Variants in KLHL1 observed in about 807,000 individuals in gnomAD.
KLHL1 encodes the protein kelch like family member 1.
Under a neutral mutation model 77.7 loss-of-function variants are expected in KLHL1, and 47 were observed. The ratio of observed to expected loss-of-function variants is 0.60; its 90% confidence interval spans 0.48 to 0.77. The LOEUF (loss-of-function observed/expected upper bound fraction) is 0.77. Among genes scored for constraint, KLHL1 ranks in the 30% least tolerant of loss-of-function variants. The pLI is 0.00. For synonymous variants in KLHL1, 360 were observed against 325.2 expected (o/e 1.11, Z -1.15); for missense variants, 925 against 910.8 (o/e 1.02, Z -0.20).
Position 69,839,107 on chromosome 13 carries a change from T to C in KLHL1, c.1283A>G (p.Lys428Arg). 6.2e-7 allele frequency: 1 copy of C among 1,608,872 alleles called. No homozygotes were observed. The highest frequency in any genetic ancestry group is 1.1e-5 in the South Asian group (1 of 90,266). The change falls in exon 6 of 11, where the codon AAG (lysine) becomes AGG (arginine). Residue 428 changes from lysine (K) to arginine (R), a missense_variant. Physicochemically the swap from Lys to Arg is conservative, Grantham distance 26. Coordinates refer to ENST00000377844, the MANE Select transcript of KLHL1 (RefSeq NM_020866.3). ...GTATTTCATTGCTTCTAGAATCAGC[T>C]TTTGACATTCCAGATCATTCTTAAA... ...ALFKNDLECQ[K>R]LILEAMKYHL...
chr13:69,932,547 A>C (rs1347195586), intron 4 of KLHL1, among the ~76,000 whole-genome samples: 1 of 151,922 alleles, frequency 6.6e-6, no homozygotes, highest in East Asian at 1.9e-4. Context: ...TGTTTACAGG[A>C]TATTTTAAAA....
intron 1 of KLHL1, among the ~76,000 whole-genome samples, chr13:70,081,844 T>A (rs1052497430): frequency 4.6e-5 from 7 of 152,020 alleles, no homozygotes; most frequent in African/African-American, 1.7e-4. Context: ...AACTTACGGG[T>A]TTGTGGTAAT....
chr13:69,747,832 A>G (rs1274120744), intron 7 of KLHL1, among the ~76,000 whole-genome samples: 2 of 151,970 alleles, frequency 1.3e-5, no homozygotes, highest in Non-Finnish European at 2.9e-5. Flanking sequence ...AAATTTAACT[A>G]TTCTTAGTGA....
At chr13:69,747,623 C>T (rs563197140) in intron 7 of KLHL1, among the ~76,000 whole-genome samples, 3 of 151,830 alleles carry the variant, frequency 2.0e-5, no homozygotes, top group African/African-American at 7.2e-5. Context: ...ATATAAAGGT[C>T]CTATAAGCAT....
In KLHL1 at chr13:70,107,328, T is replaced by G. The variant is rs75569924; in HGVS notation, c.372A>C (p.Ser124=). The change falls in exon 1 of 11, where the codon TCA becomes TCC. Residue 124 remains serine (S), a synonymous_variant. Coordinates refer to ENST00000377844, the MANE Select transcript of KLHL1 (RefSeq NM_020866.3). ...QPARTLFYVE[S]LEEEVVPGMD... is the part of the protein sequence containing the mutation. The stretch of plus-strand genomic sequence containing the variant: ...TGCCTGGCACCACCTCCTCCTCTAG[T>G]GACTCCACGTAGAAGAGAGTCCTGG... 708 of 1,614,158 alleles carry G rather than the reference T, an allele frequency of 4.4e-4. 2 individuals carry two copies. The African/African-American group carries it at 8.0e-3, about 18-fold the overall frequency.
intron 6 of KLHL1, among the ~76,000 whole-genome samples, chr13:69,800,413 A>G (rs1877326006): frequency 6.6e-6 from 1 of 152,112 alleles, no homozygotes. Flanking sequence ...ACCAAGGCCT[A>G]TTTATACTCC....
intron 8 of KLHL1, among the ~76,000 whole-genome samples, chr13:69,723,736 G>C (rs1873168208): frequency 2.0e-5 from 3 of 151,918 alleles, no homozygotes; most frequent in African/African-American, 7.3e-5. Context: ...CTGCTACTTG[G>C]AGATTTCATC....
At chr13:69,966,810 A>C (rs1036011203) in intron 2 of KLHL1, among the ~76,000 whole-genome samples, 8 of 151,942 alleles carry the variant, frequency 5.3e-5, no homozygotes, top group African/African-American at 1.9e-4. Context: ...TCAACTCTCT[A>C]TGTCCATATA....
chr13:69,937,338 C>T (rs540110654), intron 4 of KLHL1, among the ~76,000 whole-genome samples: 12 of 152,264 alleles, frequency 7.9e-5, no homozygotes, highest in East Asian at 3.9e-4. Context: ...AAACACAAGT[C>T]CATTCTATCA....
In KLHL1 at chr13:70,107,284, T is replaced by C. The variant is rs774870844; in HGVS notation, c.416A>G (p.His139Arg). 6.8e-6 allele frequency: 11 copies of C among 1,614,042 alleles called. No homozygotes were observed. Among genetic ancestry groups the C allele is most frequent in the Non-Finnish European group, 8.5e-6 (10 of 1,180,020 alleles). The change falls in exon 1 of 11, where the codon CAC becomes CGC. Residue 139 changes from histidine to arginine, a missense_variant. His to Arg is a conservative substitution (Grantham distance 29). Coordinates refer to ENST00000377844, the MANE Select transcript of KLHL1 (RefSeq NM_020866.3). ...CTCTTGCAGAACCAGCCCTTTTTCGTGTGGTCCAGGAAAGTCCATGCCTGG... is the reference window on the plus strand; with the variant it reads ...CTCTTGCAGAACCAGCCCTTTTTCGCGTGGTCCAGGAAAGTCCATGCCTGG... ...VVPGMDFPGP[H>R]EKGLVLQELK...
intron 9 of KLHL1, among the ~76,000 whole-genome samples, chr13:69,714,856 G>A (rs1161283665): frequency 1.3e-5 from 2 of 152,000 alleles, no homozygotes; most frequent in Non-Finnish European, 2.9e-5. Flanking sequence ...AGCCTCCAAA[G>A]GTGCCAGTAT....
chr13:70,010,117 C>A, intron 1 of KLHL1, among the ~76,000 whole-genome samples: 1 of 151,946 alleles, frequency 6.6e-6, no homozygotes, highest in East Asian at 1.9e-4. Flanking sequence ...AAAGAGAGTG[C>A]AATAGAAGAT....
chr13:69,994,623 G>A (rs866058338), intron 1 of KLHL1, among the ~76,000 whole-genome samples: 1 of 152,034 alleles, frequency 6.6e-6, no homozygotes, highest in Non-Finnish European at 1.5e-5. Context: ...TACATTGGGA[G>A]TACCTATAGG....
intron 8 of KLHL1, among the ~76,000 whole-genome samples, chr13:69,732,427 A>G (rs1171354242): frequency 6.6e-6 from 1 of 152,040 alleles, no homozygotes; most frequent in Non-Finnish European, 1.5e-5. Flanking sequence ...CAGATTGTAC[A>G]TCCAGAAACA....
intron 3 of KLHL1, among the ~76,000 whole-genome samples, chr13:69,941,599 T>C (rs935786468): frequency 6.6e-6 from 1 of 151,316 alleles, no homozygotes; most frequent in African/African-American, 2.4e-5. Flanking sequence ...AGAAAATAAA[T>C]AACAAAGATC....
intron 5 of KLHL1, among the ~76,000 whole-genome samples, chr13:69,852,208 AG>A (rs1593887783): frequency 6.6e-6 from 1 of 151,938 alleles, no homozygotes; most frequent in East Asian, 1.9e-4. Context: ...CTTCCTTGAG[AG>A]GGATACATCT....
At chr13:69,773,065 A>G (rs1210377370) in intron 7 of KLHL1, among the ~76,000 whole-genome samples, 2 of 152,066 alleles carry the variant, frequency 1.3e-5, no homozygotes, top group South Asian at 4.2e-4. Flanking sequence ...CAAGCAAAGG[A>G]AAAAAAATAA....
intron 1 of KLHL1, among the ~76,000 whole-genome samples, chr13:70,084,204 G>A (rs966328212): frequency 2.0e-5 from 3 of 152,072 alleles, no homozygotes; most frequent in Non-Finnish European, 4.4e-5. Flanking sequence ...TACACACACA[G>A]TAAATTAATC....
intron 1 of KLHL1, among the ~76,000 whole-genome samples, chr13:70,017,208 C>T (rs2137346906): frequency 6.6e-6 from 1 of 152,338 alleles, no homozygotes. Flanking sequence ...CTGAAACACA[C>T]CTCCTACTTG....
Sources: gnomAD v4.1 joint callset for allele counts (sites outside exome capture counted in the v4.1 genomes callset) on GRCh38, gnomAD v4.1.1 for gene constraint, MANE v1.5 for transcripts, NCBI Gene and HGNC (gene_info 2026-07-23, HGNC 2026-07-21) for gene names.